Variants in LAMA2 observed in about 807,000 individuals in gnomAD.
LAMA2 encodes the protein laminin subunit alpha 2.
In LAMA2, 269 loss-of-function variants were observed where a neutral mutation model predicts 364.8. The observed-to-expected ratio is 0.74, with a 90% CI of 0.67 to 0.82. The LOEUF (loss-of-function observed/expected upper bound fraction) is 0.82, where lower values mean the gene tolerates loss of function less well. LAMA2 is among the 40% of genes least tolerant of loss of function. The pLI is 0.00. For synonymous variants in LAMA2, 1,379 were observed against 1,370.6 expected (o/e 1.01, Z -0.14); for missense variants, 3,807 against 3,873.2 (o/e 0.98, Z 0.45).
intron 22 of LAMA2, among the ~76,000 whole-genome samples, chr6:129,301,308 T>C (rs1428436785): frequency 3.3e-5 from 5 of 152,176 alleles, no homozygotes; most frequent in Admixed American, 3.3e-4. Context: ...ACATTTAGCT[T>C]GGAAAATAAT....
At chr6:129,293,251 A>G (rs1349805425) in intron 20 of LAMA2, among the ~76,000 whole-genome samples, 1 of 152,252 alleles carries the variant, frequency 6.6e-6, no homozygotes, top group Non-Finnish European at 1.5e-5. Flanking sequence ...ATGCTTTAAA[A>G]AGCATATTCA....
At chr6:128,916,001 T>C (rs960089856) in intron 1 of LAMA2, among the ~76,000 whole-genome samples, 1 of 152,194 alleles carries the variant, frequency 6.6e-6, no homozygotes, top group Non-Finnish European at 1.5e-5. Flanking sequence ...TAGTTTTCAT[T>C]GAAATTCAAA....
intron 17 of LAMA2, among the ~76,000 whole-genome samples, chr6:129,272,623 A>G (rs1307940846): frequency 1.3e-5 from 2 of 152,192 alleles, no homozygotes; most frequent in Non-Finnish European, 2.9e-5. Context: ...TTCATTGGAT[A>G]AGTCAATTTA....
chr6:128,954,595 T>C (rs934147422), intron 1 of LAMA2, among the ~76,000 whole-genome samples: 4 of 152,010 alleles, frequency 2.6e-5, no homozygotes, highest in Non-Finnish European at 5.9e-5. Context: ...TTTTACATTA[T>C]CGATTCCTTG....
intron 3 of LAMA2, among the ~76,000 whole-genome samples, chr6:129,063,396 C>A (rs1789070202): frequency 6.6e-6 from 1 of 152,062 alleles, no homozygotes; most frequent in Non-Finnish European, 1.5e-5. Context: ...CCAGATTTCA[C>A]CAGAATATGT....
intron 1 of LAMA2, among the ~76,000 whole-genome samples, chr6:128,979,243 C>T (rs1403107409): frequency 6.6e-6 from 1 of 152,090 alleles, no homozygotes. Context: ...AGAAACAAGC[C>T]ATGACAGTAT....
At chr6:129,113,470 G>C (rs1029775145) in intron 4 of LAMA2, among the ~76,000 whole-genome samples, 1 of 151,996 alleles carries the variant, frequency 6.6e-6, no homozygotes, top group Non-Finnish European at 1.5e-5. Flanking sequence ...AAGGCAGACA[G>C]AAACGCCAAA....
Position 129,486,531 on chromosome 6 carries a change from G to T in LAMA2, c.7807G>T (p.Ala2603Ser), listed in dbSNP as rs763419591. The change falls in exon 56 of 65, where the codon GCA becomes TCA. Residue 2603 changes from alanine (A) to serine (S), a missense_variant. Ala to Ser is a moderately conservative substitution (Grantham distance 99). Around this residue, in one of 3 missense-constraint regions of LAMA2, gnomAD observed 3,333 missense variants for 3,345.7 expected, o/e 1.00. Coordinates refer to ENST00000421865, the MANE Select transcript of LAMA2 (RefSeq NM_000426.4). Reference sequence around the variant, plus strand: ...TCTGGAAGTGCATCTCTCCACAGGGGCACGAACAATGAGGAAAATTGTGAT... The same window carrying T: ...TCTGGAAGTGCATCTCTCCACAGGGTCACGAACAATGAGGAAAATTGTGAT... ...GRLEVHLSTG[A>S]RTMRKIVIRP... 2 of 1,613,896 alleles carry T rather than the reference G, an allele frequency of 1.2e-6. No homozygotes were observed. The highest frequency in any genetic ancestry group is 1.1e-5 in the South Asian group (1 of 91,080).
chr6:129,328,144 T>TG (rs1215103730), intron 28 of LAMA2, 134 bp from the exon 29 acceptor site: 6 of 789,786 alleles, frequency 7.6e-6, no homozygotes, highest in African/African-American at 5.0e-5. Context: ...AATCGGCACT[T>TG]GCGTTTGTAA....
intron 60 of LAMA2, among the ~76,000 whole-genome samples, chr6:129,504,588 AC>A (rs1294845958): frequency 7.2e-5 from 11 of 152,062 alleles, no homozygotes; most frequent in Non-Finnish European, 1.5e-4. Context: ...CAGTCTTTAC[AC>A]CCCTTATTTC....
At chr6:129,434,882 T>C (rs1291729871) in intron 41 of LAMA2, among the ~76,000 whole-genome samples, 1 of 152,040 alleles carries the variant, frequency 6.6e-6, no homozygotes, top group East Asian at 1.9e-4. Context: ...CAGAAACTAC[T>C]TTAGAAAAAG....
intron 21 of LAMA2, among the ~76,000 whole-genome samples, chr6:129,298,267 GA>G (rs780535538): frequency 5.4e-5 from 8 of 147,778 alleles, no homozygotes; most frequent in Non-Finnish European, 9.0e-5. Flanking sequence ...TTGGTATCCG[GA>G]TCAAGAAAAG....
intron 22 of LAMA2, among the ~76,000 whole-genome samples, chr6:129,303,030 A>G (rs1165681657): frequency 1.3e-5 from 2 of 152,154 alleles, no homozygotes; most frequent in African/African-American, 4.8e-5. Context: ...TATTGAATTG[A>G]TAGATCAATT....
intron 27 of LAMA2, among the ~76,000 whole-genome samples, chr6:129,316,521 C>T (rs1482810191): frequency 2.6e-5 from 4 of 152,172 alleles, no homozygotes; most frequent in Admixed American, 6.5e-5. Flanking sequence ...GTGACCTCTT[C>T]ACCCATCAGG....
intron 12 of LAMA2, among the ~76,000 whole-genome samples, chr6:129,230,968 A>G (rs927538116): frequency 2.6e-5 from 4 of 152,102 alleles, no homozygotes; most frequent in African/African-American, 7.2e-5. Flanking sequence ...GATATTTAGT[A>G]TCCTTGGCCT....
chr6:129,092,963 T>G (rs1397094304), intron 3 of LAMA2, among the ~76,000 whole-genome samples: 1 of 152,060 alleles, frequency 6.6e-6, no homozygotes, highest in African/African-American at 2.4e-5. Context: ...AACACAATAC[T>G]CTTTAGTAGC....
At chr6:128,986,456 A>T (rs1158936905) in intron 1 of LAMA2, among the ~76,000 whole-genome samples, 2 of 152,176 alleles carry the variant, frequency 1.3e-5, no homozygotes, top group African/African-American at 4.8e-5. Context: ...TAGAGAAAAT[A>T]CATTATAGTT....
intron 7 of LAMA2, among the ~76,000 whole-genome samples, chr6:129,152,820 T>C (rs997149511): frequency 6.6e-6 from 1 of 152,158 alleles, no homozygotes; most frequent in South Asian, 2.1e-4. Context: ...AATACCTTCA[T>C]TCAAGTAGTA....
intron 40 of LAMA2, among the ~76,000 whole-genome samples, chr6:129,406,807 C>T (rs528434111): frequency 4.6e-5 from 7 of 152,094 alleles, no homozygotes; most frequent in Admixed American, 6.5e-5. Context: ...TATTGACCCA[C>T]GCCATCACAA....
Sources: allele counts gnomAD v4.1 joint callset (sites outside exome capture counted in the v4.1 genomes callset), GRCh38; gene constraint gnomAD v4.1.1; regional missense constraint gnomAD v4.1.1; transcripts MANE v1.5; gene names NCBI Gene and HGNC (gene_info 2026-07-23, HGNC 2026-07-21).